The following GRM4 variants were observed in gnomAD, a reference collection of about 807,000 sequenced individuals.
GRM4 encodes glutamate metabotropic receptor 4, also known as metabotropic glutamate receptor 4.
In GRM4, 28 loss-of-function variants were observed where a neutral mutation model predicts 81.7. That is an observed-to-expected ratio of 0.34 (90% CI 0.25 to 0.47). GRM4 has a LOEUF of 0.47. Ranked by LOEUF, GRM4 falls within the 20% of genes least tolerant of loss-of-function variation. The probability of loss-of-function intolerance (pLI) is 1.00; values close to 1 mark genes in which losing one functional copy is unlikely to be tolerated. For missense variants in GRM4, 948 were observed against 1,290.0 expected (o/e 0.73, Z 4.06); for synonymous variants, 488 against 528.8 (o/e 0.92, Z 1.06).
chr6:34,106,686 A>G (rs1109654), intron 2 of GRM4, among the ~76,000 whole-genome samples: 86,647 of 151,928 alleles, frequency 0.57, 24,858 homozygotes, highest in Admixed American at 0.64. Context: ...TCATTCACGC[A>G]TCTAGTGAGG....
chr6:34,048,825 T>C lies in GRM4; in HGVS notation c.1168+7719A>G, dbSNP rs1765475210. Among the ~76,000 whole-genome samples, 1 of 152,044 alleles carries C rather than the reference T, an allele frequency of 6.6e-6. No individual in the cohort carries two copies. Among genetic ancestry groups the C allele is most frequent in the South Asian group, 2.1e-4 (1 of 4,828 alleles). On this transcript the variant is annotated intron_variant, in intron 6 of 10. Coordinates refer to ENST00000538487, the MANE Select transcript of GRM4 (RefSeq NM_000841.4). The surrounding 1 kb of genome is among the most constrained non-coding windows in gnomAD (Gnocchi z 4.0). ...TCCACCATGGTAAGCCGTGCTTGCTTCCTCTTCGCCTTCCACCATGATTGT... is the reference window on the plus strand; with the variant it reads ...TCCACCATGGTAAGCCGTGCTTGCTCCCTCTTCGCCTTCCACCATGATTGT...
At chr6:34,091,857 A>G in intron 3 of GRM4, 26 bp downstream of exon 3, 1 of 1,544,970 alleles carries the variant, frequency 6.5e-7, no homozygotes, top group Non-Finnish European at 8.9e-7. Context: ...GCCTGGCATG[A>G]CTCTGCGGCC....
chr6:34,151,538 C>T (rs1391381610), intron 1 of GRM4, among the ~76,000 whole-genome samples: 1 of 152,212 alleles, frequency 6.6e-6, no homozygotes, highest in East Asian at 1.9e-4. Context: ...TGGCCGCCTG[C>T]TCCTTCGGCA....
At chr6:34,151,814 G>T (rs1171744572) in intron 1 of GRM4, among the ~76,000 whole-genome samples, 1 of 151,610 alleles carries the variant, frequency 6.6e-6, no homozygotes. Flanking sequence ...ACAGACCAGT[G>T]TGGACACTGT....
chr6:34,113,489 A>G (rs749788599), intron 2 of GRM4, among the ~76,000 whole-genome samples: 1 of 152,214 alleles, frequency 6.6e-6, no homozygotes, highest in Non-Finnish European at 1.5e-5. Flanking sequence ...ATTTGTTGAA[A>G]TGCCCACTTT....
At chr6:34,098,346 C>T (rs569721193) in intron 2 of GRM4, among the ~76,000 whole-genome samples, 8 of 152,340 alleles carry the variant, frequency 5.3e-5, no homozygotes, top group African/African-American at 1.4e-4. Context: ...TGAGCTGCTC[C>T]GGCCCATGTT....
At chr6:34,102,845 T>C (rs897744006) in intron 2 of GRM4, among the ~76,000 whole-genome samples, 1 of 152,126 alleles carries the variant, frequency 6.6e-6, no homozygotes, top group African/African-American at 2.4e-5. Context: ...GTGAGGAAGC[T>C]GAAGCCCAAA....
intron 2 of GRM4, among the ~76,000 whole-genome samples, chr6:34,098,241 C>T (rs1768645165): frequency 6.6e-6 from 1 of 152,252 alleles, no homozygotes; most frequent in Non-Finnish European, 1.5e-5. Flanking sequence ...GCTAGGATCA[C>T]TGTGCCCATT....
At chr6:34,112,381 G>C (rs558160199) in intron 2 of GRM4, among the ~76,000 whole-genome samples, 2 of 152,160 alleles carry the variant, frequency 1.3e-5, no homozygotes, top group Non-Finnish European at 2.9e-5. Context: ...TTCCCAGAAG[G>C]AGCCCCTCAA....
intron 6 of GRM4, among the ~76,000 whole-genome samples, chr6:34,044,685 GACATAC>G (rs1562021781): frequency 3.1e-3 from 330 of 105,584 alleles, no homozygotes; most frequent in African/African-American, 9.6e-3. Flanking sequence ...CACACACACA[GACATAC>G]ATACACATAT....
intron 2 of GRM4, among the ~76,000 whole-genome samples, chr6:34,093,456 C>T (rs904754219): frequency 1.3e-5 from 2 of 152,238 alleles, no homozygotes; most frequent in Admixed American, 1.3e-4. Context: ...GTGAATAAAA[C>T]ACTCACGGAG....
Position 34,022,549 on chromosome 6 carries a change from CCT to C in GRM4, c.*270_*271del, listed in dbSNP as rs1440385071. 3.8e-6 allele frequency: 2 copies of C among 531,712 alleles called. No homozygotes were observed. Among genetic ancestry groups the C allele is most frequent in the Non-Finnish European group, 6.8e-6 (2 of 294,294 alleles). 32.9% of individuals were successfully genotyped at this position (531,712 alleles called of 1,614,324 possible). The stretch of plus-strand genomic sequence containing the variant: ...CACTGGGGCCCACACGACCTGAGCC[CCT>C]GTGGTTTGGGGCCGGGAGGGGCAAT... On this transcript the variant is annotated 3_prime_UTR_variant, in exon 11 of 11. Transcript: ENST00000538487. The surrounding 1 kb of genome is among the most constrained non-coding windows in gnomAD (Gnocchi z 5.6).
chr6:34,044,332 A>G (rs1251525492), intron 6 of GRM4, among the ~76,000 whole-genome samples: 6 of 151,186 alleles, frequency 4.0e-5, no homozygotes, highest in African/African-American at 1.5e-4. Flanking sequence ...ACACATACAC[A>G]CAGACATACA....
chr6:34,076,065 G>C (rs1453748680), intron 3 of GRM4, among the ~76,000 whole-genome samples: 7 of 152,246 alleles, frequency 4.6e-5, no homozygotes, highest in African/African-American at 1.7e-4. Flanking sequence ...AGTCAGGCCA[G>C]CAGTTGGGCC....
At chr6:34,056,755 C>T (rs1040787441) in intron 5 of GRM4, 71 bp from the exon 6 acceptor site, 2 of 1,539,556 alleles carry the variant, frequency 1.3e-6, no homozygotes, top group African/African-American at 2.7e-5. Context: ...CCCCGCCTCC[C>T]CCAGGATAAG....
intron 3 of GRM4, 44 bp from the exon 4 acceptor site, chr6:34,062,072 G>C (rs1447727960): frequency 6.3e-7 from 1 of 1,577,604 alleles, no homozygotes; most frequent in African/African-American, 1.3e-5. Context: ...AGGGGAACCT[G>C]AGTCTCCCCA....
At chr6:34,023,395 G>C (rs1763984292) in intron 10 of GRM4, among the ~76,000 whole-genome samples, 1 of 152,218 alleles carries the variant, frequency 6.6e-6, no homozygotes, top group African/African-American at 2.4e-5. Flanking sequence ...AACTAGAACA[G>C]TGGCCTAAGG....
intron 2 of GRM4, among the ~76,000 whole-genome samples, chr6:34,120,631 C>A (rs1439881572): frequency 6.6e-6 from 1 of 152,182 alleles, no homozygotes; most frequent in African/African-American, 2.4e-5. Flanking sequence ...AGGAAGACAC[C>A]TTTGTCAGGT....
chr6:34,045,525 T>C (rs1212151132), intron 6 of GRM4, among the ~76,000 whole-genome samples: 1 of 152,202 alleles, frequency 6.6e-6, no homozygotes, highest in African/African-American at 2.4e-5. Context: ...TGAACCCAGA[T>C]GTCTTTGGTT....
Sources: gnomAD v4.1 joint callset for allele counts (sites outside exome capture counted in the v4.1 genomes callset) on GRCh38, gnomAD v4.1.1 for gene constraint, Gnocchi (gnomAD v3.1) non-coding constraint, MANE v1.5 for transcripts, NCBI Gene and HGNC (gene_info 2026-07-23, HGNC 2026-07-21) for gene names.